The following SYTL5 variants were observed in gnomAD, a reference collection of about 807,000 sequenced individuals.
SYTL5 encodes synaptotagmin like 5, also known as synaptotagmin-like protein 5.
Under a neutral mutation model 55.9 loss-of-function variants are expected in SYTL5, and 34 were observed. That is an observed-to-expected ratio of 0.61 (90% CI 0.46 to 0.81). The LOEUF is 0.81. Ranked by LOEUF, SYTL5 falls within the 30% of genes least tolerant of loss-of-function variation. SYTL5 has a pLI of 0.00. For missense variants in SYTL5, 637 were observed against 546.7 expected, an observed-to-expected ratio of 1.17 and a Z score of -1.65; for synonymous variants, 221 against 188.7, an observed-to-expected ratio of 1.17 and a Z score of -1.40.
chrX:37,917,022 G>A, the SYTL5 span, among the ~76,000 whole-genome samples: 4 of 111,631 alleles, frequency 3.6e-5, no homozygotes, highest in South Asian at 1.1e-3. Context: ...TGGACATTTC[G>A]TAGAAAGTCC....
At position 38,128,378 on chromosome X, in the gene SYTL5, G is replaced by C. The variant is rs1287807490; in HGVS notation, c.*1648G>C. 4.5e-5 allele frequency: 5 copies of C among 111,436 alleles called. No individual in the cohort carries two copies. The highest frequency in any genetic ancestry group is 9.4e-5 in the Non-Finnish European group (5 of 53,106). 9.2% of individuals were successfully genotyped at this position (111,436 alleles called of 1,213,427 possible). On this transcript the variant is annotated 3_prime_UTR_variant, in exon 17 of 17. Transcript: ENST00000297875. ...AATTTGGAGCAGAGTCTGATTACTT[G>C]AGCATGAACATACCCGACCAAGGTA...
the SYTL5 span, among the ~76,000 whole-genome samples, chrX:37,950,066 A>C: frequency 7.2e-5 from 8 of 111,844 alleles, no homozygotes; most frequent in Non-Finnish European, 1.3e-4. Context: ...TATTTTATGA[A>C]GTCTTTAATC....
the SYTL5 span, among the ~76,000 whole-genome samples, chrX:37,977,428 G>A: frequency 1.2e-4 from 13 of 110,334 alleles, no homozygotes; most frequent in South Asian, 4.0e-4. Context: ...AAGGAAACAG[G>A]AGATATACAC....
the SYTL5 span, among the ~76,000 whole-genome samples, chrX:37,899,939 G>A: frequency 8.9e-6 from 1 of 112,115 alleles, no homozygotes; most frequent in Non-Finnish European, 1.9e-5. Context: ...ACACTTCAGA[G>A]AGAATTTATA....
rs1266165529 is a variant in SYTL5, at chrX:38,071,068, GA to G, written c.330-974del. Among the ~76,000 whole-genome samples the G allele has an allele frequency of 2.8e-5, 3 of 108,814 alleles. No homozygotes were observed. In the Admixed American group the frequency reaches 3.0e-4, roughly 11 times the overall value. The allele number at this position is 108,814 out of a possible 115,157, so 94.5% of individuals were successfully genotyped here. A position where few individuals can be genotyped will look rare whatever the true frequency, so the allele number is the denominator to read the frequency against. On this transcript the variant is annotated intron_variant, in intron 3 of 16. Coordinates refer to ENST00000297875, the MANE Select transcript of SYTL5 (RefSeq NM_138780.3). Reference sequence around the variant, plus strand: ...ATTATGAGAGAGTAGTCATTCATTTGAAAAACATTAATTGAGATCGTGGTCT... The same window carrying G: ...ATTATGAGAGAGTAGTCATTCATTTGAAAACATTAATTGAGATCGTGGTCT...
intron 13 of SYTL5, among the ~76,000 whole-genome samples, chrX:38,113,816 C>T (rs767920208): frequency 9.0e-6 from 1 of 111,401 alleles, no homozygotes; most frequent in African/African-American, 3.3e-5. Flanking sequence ...GGTTTGCAGG[C>T]CAGAAAAGCC....
chrX:37,990,677 A>G, the SYTL5 span: 1 of 729,509 alleles, frequency 1.4e-6, no homozygotes, highest in African/African-American at 2.2e-5. Context: ...GACACCAATG[A>G]AATCACAAAG....
the SYTL5 span, chrX:37,990,832 CA>C: frequency 1.7e-6 from 2 of 1,187,096 alleles, no homozygotes; most frequent in Non-Finnish European, 2.3e-6. Flanking sequence ...CCAAACCCAG[CA>C]AACATCATGT....
chrX:37,991,450 G>A, the SYTL5 span: 2 of 445,394 alleles, frequency 4.5e-6, no homozygotes, highest in African/African-American at 2.5e-5. Flanking sequence ...TGATTTAGAG[G>A]GGGCAGTTTC....
chrX:38,017,554 T>A (rs1363621661), intron 1 of SYTL5, among the ~76,000 whole-genome samples: 1 of 110,124 alleles, frequency 9.1e-6, no homozygotes, highest in Non-Finnish European at 1.9e-5. Flanking sequence ...GTCTCTTTCA[T>A]CATCTCATTT....
the SYTL5 span, among the ~76,000 whole-genome samples, chrX:37,960,953 G>A: frequency 2.3e-3 from 247 of 107,255 alleles, 1 homozygote; most frequent in African/African-American, 7.7e-3. Context: ...CTGCCACCAC[G>A]CCCAGCTAAT....
chrX:38,058,411 T>G (rs1935848714), intron 3 of SYTL5, among the ~76,000 whole-genome samples: 1 of 111,573 alleles, frequency 9.0e-6, no homozygotes, highest in Non-Finnish European at 1.9e-5. Flanking sequence ...CCACTGCTCT[T>G]TATTCTTTGC....
intron 3 of SYTL5, among the ~76,000 whole-genome samples, chrX:38,056,886 C>T (rs1602351063): frequency 9.0e-6 from 1 of 111,463 alleles, no homozygotes; most frequent in East Asian, 2.8e-4. Context: ...TTATTAATCC[C>T]TTGTCAGATG....
chrX:37,911,375 C>T, the SYTL5 span, among the ~76,000 whole-genome samples: 1 of 111,477 alleles, frequency 9.0e-6, no homozygotes, highest in Non-Finnish European at 1.9e-5. Flanking sequence ...CTTTTAATCT[C>T]ATACAAATAG....
intron 2 of SYTL5, among the ~76,000 whole-genome samples, chrX:38,039,188 G>A (rs916738069): frequency 8.9e-6 from 1 of 112,092 alleles, no homozygotes; most frequent in Non-Finnish European, 1.9e-5. Context: ...TTCTCCTTCA[G>A]ACTAAGCAGG....
intron 3 of SYTL5, among the ~76,000 whole-genome samples, chrX:38,057,632 T>C (rs2147322440): frequency 8.9e-6 from 1 of 111,962 alleles, no homozygotes; most frequent in Non-Finnish European, 1.9e-5. Context: ...TTAAGTTCTT[T>C]TATTACTTAC....
intron 2 of SYTL5, among the ~76,000 whole-genome samples, chrX:38,048,597 C>T (rs759466176): frequency 1.0e-4 from 11 of 108,823 alleles, no homozygotes; most frequent in South Asian, 4.1e-4. Context: ...ACAGTCATGG[C>T]GGAAGGTGAA....
chrX:38,026,017 A>G (rs1934760868), intron 1 of SYTL5, among the ~76,000 whole-genome samples: 1 of 112,757 alleles, frequency 8.9e-6, no homozygotes, highest in African/African-American at 3.2e-5. Flanking sequence ...CTTATAATCA[A>G]AAGTGTCTGG....
intron 13 of SYTL5, among the ~76,000 whole-genome samples, chrX:38,119,158 G>C (rs1342210184): frequency 9.1e-6 from 1 of 109,683 alleles, no homozygotes; most frequent in Non-Finnish European, 1.9e-5. Flanking sequence ...ATTTTATTCA[G>C]AATTCCCAGT....
Sources: gnomAD v4.1 joint callset for allele counts (sites outside exome capture counted in the v4.1 genomes callset) on GRCh38, gnomAD v4.1.1 for gene constraint, MANE v1.5 for transcripts, NCBI Gene and HGNC (gene_info 2026-07-23, HGNC 2026-07-21) for gene names.